Variants in BICC1 observed in about 807,000 individuals in gnomAD.
BICC1 encodes the protein protein bicaudal C homolog 1.
BICC1 carries 43 observed loss-of-function variants against 111.0 expected under a neutral mutation model. That is an observed-to-expected ratio of 0.39 (90% CI 0.30 to 0.50). The LOEUF (loss-of-function observed/expected upper bound fraction) is 0.50, where lower values mean the gene tolerates loss of function less well. BICC1 is among the 20% of genes least tolerant of loss of function. BICC1 has a pLI of 0.88. For synonymous variants in BICC1, 467 were observed against 434.4 expected, an observed-to-expected ratio of 1.07 and a Z score of -0.93; for missense variants, 1,091 against 1,203.2, an observed-to-expected ratio of 0.91 and a Z score of 1.38.
intron 3 of BICC1, among the ~76,000 whole-genome samples, chr10:58,757,126 G>A (rs886167591): frequency 6.6e-5 from 10 of 152,090 alleles, no homozygotes; most frequent in East Asian, 1.9e-4. Context: ...CGTGTAACCC[G>A]CTACAAGACT....
intron 16 of BICC1, 144 bp from the exon 17 acceptor site, chr10:58,806,860 A>G: frequency 1.2e-6 from 1 of 831,844 alleles, no homozygotes; most frequent in Non-Finnish European, 1.8e-6. Flanking sequence ...TATTTCATTA[A>G]GATATTTTTA....
At chr10:58,769,404 G>GTATATATATATA (rs59606054) in intron 3 of BICC1, among the ~76,000 whole-genome samples, 60 of 109,754 alleles carry the variant, frequency 5.5e-4, no homozygotes, top group East Asian at 4.9e-3. Flanking sequence ...GTGTGTGTGT[G>GTATATATATATA]TATATATATA....
chr10:58,694,268 G>GCAAAA lies in BICC1; in HGVS notation c.238-7806_238-7805insCAAAA, dbSNP rs1177731766. On this transcript the variant is annotated intron_variant, in intron 2 of 20. Transcript: ENST00000373886. Reference sequence around the variant, plus strand: ...TTTGTAAAATGCCACGTGGTTTTATGACTGGGAGACAAGGAGTCATCATGA... The same window carrying GCAAAA: ...TTTGTAAAATGCCACGTGGTTTTATGCAAAAACTGGGAGACAAGGAGTCATCATGA... Among the ~76,000 whole-genome samples the GCAAAA allele has an allele frequency of 5.9e-5, 9 of 152,262 alleles. No homozygotes were observed. In the East Asian group the frequency reaches 1.4e-3, roughly 23 times the overall value.
chr10:58,716,173 A>T, intron 3 of BICC1: 2 of 1,502,030 alleles, frequency 1.3e-6, no homozygotes, highest in South Asian at 1.2e-5. Flanking sequence ...GCGAGCAAAA[A>T]AGAAGAAAAG....
In BICC1 at chr10:58,576,736, G is replaced by T. The variant is rs559805044; in HGVS notation, c.191-44119G>T. Among the ~76,000 whole-genome samples the T allele has an allele frequency of 6.0e-4, 91 of 152,208 alleles. No individual in the cohort carries two copies. In the South Asian group the frequency reaches 0.018, roughly 31 times the overall value. ...GGATCAATACTGTTACAAAAAAACC[G>T]CACTCAAATGTAAGTTCAGATGACA... On this transcript the variant is annotated intron_variant, in intron 1 of 20. Transcript: ENST00000373886.
At chr10:58,519,126 C>T (rs900100065) in intron 1 of BICC1, among the ~76,000 whole-genome samples, 7 of 152,156 alleles carry the variant, frequency 4.6e-5, no homozygotes, top group South Asian at 4.1e-4. Context: ...TCAGGAGCCC[C>T]GTGTCTTCCC....
intron 2 of BICC1, among the ~76,000 whole-genome samples, chr10:58,681,877 T>A (rs979268058): frequency 6.6e-6 from 1 of 151,848 alleles, no homozygotes; most frequent in Non-Finnish European, 1.5e-5. Context: ...CTTTTTTTTT[T>A]AAATTATACT....
At chr10:58,749,861 A>G (rs1022281296) in intron 3 of BICC1, among the ~76,000 whole-genome samples, 2 of 152,026 alleles carry the variant, frequency 1.3e-5, no homozygotes, top group African/African-American at 4.8e-5. Flanking sequence ...GTGTGGATCA[A>G]CAAAACCTAG....
chr10:58,754,870 A>G (rs560612185), intron 3 of BICC1, among the ~76,000 whole-genome samples: 259 of 152,180 alleles, frequency 1.7e-3, no homozygotes, highest in African/African-American at 6.0e-3. Flanking sequence ...GAATGTGAAA[A>G]TGCTATTCTT....
chr10:58,575,113 A>G (rs968379264), intron 1 of BICC1, among the ~76,000 whole-genome samples: 2 of 151,350 alleles, frequency 1.3e-5, no homozygotes, highest in African/African-American at 2.4e-5. Flanking sequence ...TGCTGCACCT[A>G]TCAACTCATC....
At chr10:58,780,182 A>G (rs887836200) in intron 3 of BICC1, among the ~76,000 whole-genome samples, 1 of 152,228 alleles carries the variant, frequency 6.6e-6, no homozygotes, top group Non-Finnish European at 1.5e-5. Flanking sequence ...GCCAGGGGAA[A>G]GTAAATTCTG....
At chr10:58,680,873 T>G (rs1006972764) in intron 2 of BICC1, among the ~76,000 whole-genome samples, 19 of 152,196 alleles carry the variant, frequency 1.2e-4, no homozygotes, top group African/African-American at 4.6e-4. Flanking sequence ...GGTCCACATG[T>G]CTACAACCAT....
chr10:58,622,448 C>A (rs1845848896), intron 2 of BICC1, among the ~76,000 whole-genome samples: 1 of 152,224 alleles, frequency 6.6e-6, no homozygotes, highest in African/African-American at 2.4e-5. Flanking sequence ...GACATATATA[C>A]ATTCCAGCAG....
intron 20 of BICC1, among the ~76,000 whole-genome samples, chr10:58,826,494 G>T (rs1844399725): frequency 6.6e-6 from 1 of 152,212 alleles, no homozygotes; most frequent in African/African-American, 2.4e-5. Flanking sequence ...GCTCATGCCT[G>T]TAATCCCAGC....
chr10:58,623,264 T>C (rs1845882477), intron 2 of BICC1, among the ~76,000 whole-genome samples: 1 of 152,212 alleles, frequency 6.6e-6, no homozygotes, highest in African/African-American at 2.4e-5. Context: ...TCTTCCAAAA[T>C]AAGAATTGGT....
intron 3 of BICC1, among the ~76,000 whole-genome samples, chr10:58,724,654 A>G (rs1241975007): frequency 6.6e-6 from 1 of 152,228 alleles, no homozygotes; most frequent in African/African-American, 2.4e-5. Flanking sequence ...CTGCCCCAGT[A>G]GTTATGCTTA....
At chr10:58,555,368 T>C (rs558491963) in intron 1 of BICC1, among the ~76,000 whole-genome samples, 1 of 143,538 alleles carries the variant, frequency 7.0e-6, no homozygotes, top group African/African-American at 2.6e-5. Context: ...GCAGCAATAC[T>C]AAATGTTGCA....
At chr10:58,593,496 G>A (rs1844703908) in intron 1 of BICC1, among the ~76,000 whole-genome samples, 1 of 152,134 alleles carries the variant, frequency 6.6e-6, no homozygotes, top group African/African-American at 2.4e-5. Flanking sequence ...GAGAGCTCTG[G>A]TTGGCATCTG....
intron 1 of BICC1, among the ~76,000 whole-genome samples, chr10:58,540,953 A>C (rs1056926589): frequency 2.0e-5 from 3 of 152,110 alleles, no homozygotes; most frequent in African/African-American, 4.8e-5. Context: ...AGGAAATGTA[A>C]CACATGATCA....
Sources: allele counts gnomAD v4.1 joint callset (sites outside exome capture counted in the v4.1 genomes callset), GRCh38; gene constraint gnomAD v4.1.1; transcripts MANE v1.5; gene names NCBI Gene and HGNC (gene_info 2026-07-23, HGNC 2026-07-21).